NIPSNAP1: variants seen among roughly 807,000 people sequenced by gnomAD.
NIPSNAP1 encodes the protein nipsnap homolog 1.
A neutral mutation model predicts 49.2 loss-of-function variants in NIPSNAP1; 25 were observed. The ratio of observed to expected loss-of-function variants is 0.51; its 90% CI spans 0.37 to 0.71. NIPSNAP1 has a LOEUF of 0.71. NIPSNAP1 is among the 30% of genes least tolerant of loss of function. NIPSNAP1 has a pLI of 0.00. For missense variants in NIPSNAP1, 294 were observed against 361.0 expected, an observed-to-expected ratio of 0.81 and a Z score of 1.50; for synonymous variants, 143 against 140.7, an observed-to-expected ratio of 1.02 and a Z score of -0.12.
intron 1 of NIPSNAP1, among the ~76,000 whole-genome samples, chr22:29,577,419 ATT>A (rs695552): frequency 7.9e-5 from 11 of 138,670 alleles, no homozygotes; most frequent in East Asian, 6.1e-4. Context: ...TGCCTGGCTA[ATT>A]TTTTTTTTTT....
chr22:29,562,982 C>T (rs149605439), intron 4 of NIPSNAP1, among the ~76,000 whole-genome samples: 3,327 of 151,958 alleles, frequency 0.022, 137 homozygotes, highest in African/African-American at 0.075. Context: ...ACCTATAGTC[C>T]CAGCTACTCG....
intron 4 of NIPSNAP1, among the ~76,000 whole-genome samples, chr22:29,566,738 C>A (rs752635644): frequency 6.6e-6 from 1 of 152,112 alleles, no homozygotes; most frequent in Non-Finnish European, 1.5e-5. Flanking sequence ...GTGAGAGAAT[C>A]ATCTGAGCCC....
At chr22:29,564,881 G>A (rs901820068) in intron 4 of NIPSNAP1, among the ~76,000 whole-genome samples, 4 of 151,926 alleles carry the variant, frequency 2.6e-5, no homozygotes, top group Non-Finnish European at 4.4e-5. Flanking sequence ...AAAATGTAGG[G>A]TATGCTTTAA....
chr22:29,569,179 G>C lies in NIPSNAP1; in HGVS notation c.367+14C>G, dbSNP rs467669. On this transcript the variant is annotated intron_variant, in intron 4 of 9. Coordinates refer to ENST00000216121, the MANE Select transcript of NIPSNAP1 (RefSeq NM_003634.4). Reference sequence around the variant, plus strand: ...TGGGCAGTGGCAATGGCACTAGGGAGGTGAGCGCCTTACCTGCCTGGTCCT... The same window carrying C: ...TGGGCAGTGGCAATGGCACTAGGGACGTGAGCGCCTTACCTGCCTGGTCCT... 0.14 allele frequency: 223,232 copies of C among 1,610,814 alleles called. 16,663 individuals are homozygous for C. The highest frequency in any genetic ancestry group is 0.17 in the South Asian group (15,286 of 90,884).
At chr22:29,561,353 G>C in intron 6 of NIPSNAP1, 151 bp from the exon 7 acceptor site, 1 of 1,413,740 alleles carries the variant, frequency 7.1e-7, no homozygotes, top group Non-Finnish European at 1.0e-6. Context: ...CACACACCTG[G>C]TGTGCATGTT....
Position 29,561,154 on chromosome 22 carries a change from T to C in NIPSNAP1, c.611+17A>G, listed in dbSNP as rs527746841. On this transcript the variant is annotated intron_variant, in intron 7 of 9. Coordinates refer to ENST00000216121, the MANE Select transcript of NIPSNAP1 (RefSeq NM_003634.4). ...GGGTACGCCTCCCCCAACCCCAGTC[T>C]TGGTGCTGCCACTTACCAGTTGTTC... The C allele has an allele frequency of 6.2e-7, 1 of 1,611,260 alleles. No individual in the cohort carries two copies. Among genetic ancestry groups the C allele is most frequent in the African/African-American group, 1.3e-5 (1 of 74,988 alleles).
At chr22:29,561,928 T>C (rs919941170) in intron 4 of NIPSNAP1, 66 bp from the exon 5 acceptor site, 40 of 1,507,980 alleles carry the variant, frequency 2.7e-5, no homozygotes, top group Non-Finnish European at 3.4e-5. Flanking sequence ...CTCCTCAAGG[T>C]TGGCTAAGTG....
At chr22:29,566,350 C>G (rs2146607705) in intron 4 of NIPSNAP1, among the ~76,000 whole-genome samples, 1 of 151,994 alleles carries the variant, frequency 6.6e-6, no homozygotes, top group South Asian at 2.1e-4. Flanking sequence ...CTGTGTTGCC[C>G]AGGCTGGAGT....
intron 4 of NIPSNAP1, 84 bp from the exon 5 acceptor site, chr22:29,561,946 C>G: frequency 2.4e-6 from 3 of 1,231,968 alleles, no homozygotes; most frequent in Non-Finnish European, 3.6e-6. Context: ...GTGGTGGGGA[C>G]GGGGGAGGCG....
At chr22:29,562,520 C>T (rs542758046) in intron 4 of NIPSNAP1, among the ~76,000 whole-genome samples, 43 of 152,236 alleles carry the variant, frequency 2.8e-4, no homozygotes, top group African/African-American at 9.4e-4. Context: ...GGAAAAACCC[C>T]ATCTCTACTA....
chr22:29,561,469 A>G (rs753592033), intron 6 of NIPSNAP1, 37 bp downstream of exon 6: 21 of 1,613,190 alleles, frequency 1.3e-5, no homozygotes, highest in Non-Finnish European at 1.7e-5. Flanking sequence ...CAGCAGGGAA[A>G]TTGGGGGGCA....
intron 4 of NIPSNAP1, among the ~76,000 whole-genome samples, chr22:29,563,242 G>A (rs1163220621): frequency 2.6e-5 from 4 of 152,084 alleles, no homozygotes; most frequent in Admixed American, 2.6e-4. Context: ...CTCCAGCCTG[G>A]GTGGCAGGGT....
In NIPSNAP1 at chr22:29,569,218, C is replaced by T. The variant is rs562040360; in HGVS notation, c.342G>A (p.Thr114=). The stretch of plus-strand genomic sequence containing the variant: ...CTGCCTGGTCCTGCTCCCCATACCA[C>T]GTGTTCCAGTTGCCCACGAGTGAGC... The part of the protein sequence containing the change: ...YPCSLVGNWN[T]WYGEQDQAVH... The change falls in exon 4 of 10, where the codon ACG becomes ACA. Residue 114 remains threonine, a synonymous_variant. Transcript: ENST00000216121. The T allele has an allele frequency of 2.2e-5, 35 of 1,614,070 alleles. 1 individual carries two copies. The East Asian group carries it at 4.7e-4, about 22-fold the overall frequency.
At chr22:29,572,858 C>T (rs1296320529) in intron 1 of NIPSNAP1, among the ~76,000 whole-genome samples, 1 of 151,588 alleles carries the variant, frequency 6.6e-6, no homozygotes, top group Non-Finnish European at 1.5e-5. Context: ...TGACACATGC[C>T]TGTAGTCTCA....
At position 29,574,640 on chromosome 22, in the gene NIPSNAP1, A is replaced by G. The variant is rs138924878; in HGVS notation, c.99-4108T>C. Among the ~76,000 whole-genome samples, 642 of 152,062 alleles carry G rather than the reference A, an allele frequency of 4.2e-3. 12 individuals are homozygous for G. The Middle Eastern group carries it at 0.044, about 10-fold the overall frequency. On this transcript the variant is annotated intron_variant, in intron 1 of 9. Transcript: ENST00000216121. ...CTAAAAATACAAAAATTAGCTGGGC[A>G]TGGTGGTGCAATCCTGTAATCCCAG... is the stretch of plus-strand genomic sequence containing the variant.
intron 3 of NIPSNAP1, among the ~76,000 whole-genome samples, 195 bp from the exon 4 acceptor site, chr22:29,569,482 C>A (rs1040497734): frequency 2.6e-5 from 4 of 151,996 alleles, no homozygotes; most frequent in Non-Finnish European, 5.9e-5. Flanking sequence ...GTGGCTCACA[C>A]CTGTAATCCC....
At chr22:29,578,571 G>C (rs899353101) in intron 1 of NIPSNAP1, among the ~76,000 whole-genome samples, 9 of 151,312 alleles carry the variant, frequency 5.9e-5, no homozygotes, top group Non-Finnish European at 1.3e-4. Context: ...GGCCCTACTA[G>C]TGACTCTGGA....
chr22:29,567,725 A>T lies in NIPSNAP1; in HGVS notation c.367+1468T>A, dbSNP rs966816023. Reference sequence around the variant, plus strand: ...AAATAAATTAGTTGGGCATTGTGGCATGCACCTGTGGTCCCAGCTACTCAG... The same window carrying T: ...AAATAAATTAGTTGGGCATTGTGGCTTGCACCTGTGGTCCCAGCTACTCAG... On this transcript the variant is annotated intron_variant, in intron 4 of 9. Coordinates refer to ENST00000216121, the MANE Select transcript of NIPSNAP1 (RefSeq NM_003634.4). Among the ~76,000 whole-genome samples, 3 of 152,066 alleles carry T rather than the reference A, an allele frequency of 2.0e-5. 1 individual carries two copies. Among genetic ancestry groups the T allele is most frequent in the Admixed American group, 6.6e-5 (1 of 15,250 alleles).
chr22:29,555,643 G>T lies in NIPSNAP1; in HGVS notation c.*292C>A. The T allele has an allele frequency of 2.5e-6, 1 of 406,128 alleles. No homozygotes were observed. Among genetic ancestry groups the T allele is most frequent in the Non-Finnish European group, 4.7e-6 (1 of 214,670 alleles). The allele number at this position is 406,128 out of a possible 1,614,324, so 25.2% of individuals were successfully genotyped here. On this transcript the variant is annotated 3_prime_UTR_variant, in exon 10 of 10. Transcript: ENST00000216121. ...AACTGGGGACTGGTGGCCTTGAGAT[G>T]AGGAATTTTAGAAGATAAATGAAGG...
Sources: gnomAD v4.1 joint callset for allele counts (sites outside exome capture counted in the v4.1 genomes callset) on GRCh38, gnomAD v4.1.1 for gene constraint, MANE v1.5 for transcripts, NCBI Gene and HGNC (gene_info 2026-07-23, HGNC 2026-07-21) for gene names.